KCTD3: variants seen among roughly 807,000 people sequenced by gnomAD.
KCTD3 encodes BTB/POZ domain-containing protein KCTD3.
Under a neutral mutation model 85.8 loss-of-function variants are expected in KCTD3, and 41 were observed. The ratio of observed to expected loss-of-function variants is 0.48; its 90% CI spans 0.37 to 0.62. The LOEUF (loss-of-function observed/expected upper bound fraction) is 0.62, where lower values mean the gene tolerates loss of function less well. KCTD3 is among the 20% of genes least tolerant of loss of function. The probability of loss-of-function intolerance (pLI) is 0.00; values close to 1 mark genes in which losing one functional copy is unlikely to be tolerated. For synonymous variants in KCTD3, 338 were observed against 345.4 expected, an observed-to-expected ratio of 0.98 and a Z score of 0.24; for missense variants, 724 against 989.9, an observed-to-expected ratio of 0.73 and a Z score of 3.60.
At chr1:215,580,759 C>T (rs143630457) in intron 8 of KCTD3, among the ~76,000 whole-genome samples, 14 of 151,680 alleles carry the variant, frequency 9.2e-5, no homozygotes, top group Non-Finnish European at 1.6e-4. Context: ...CTGTTGAGTT[C>T]GGTTAAGAAA....
intron 9 of KCTD3, among the ~76,000 whole-genome samples, chr1:215,587,744 A>G (rs1259001923): frequency 6.6e-6 from 1 of 152,208 alleles, no homozygotes; most frequent in Non-Finnish European, 1.5e-5. Context: ...AAAATTGTGC[A>G]TAGTCTTCTT....
chr1:215,570,470 G>T (rs1419201086), intron 1 of KCTD3, among the ~76,000 whole-genome samples: 1 of 152,158 alleles, frequency 6.6e-6, no homozygotes, highest in Non-Finnish European at 1.5e-5. Context: ...TCATGCAAGA[G>T]GGCTGGGACT....
At chr1:215,597,921 T>C (rs1258360262) in intron 10 of KCTD3, among the ~76,000 whole-genome samples, 1 of 152,102 alleles carries the variant, frequency 6.6e-6, no homozygotes, top group Middle Eastern at 3.2e-3. Context: ...TCTTGACTGC[T>C]GTCTTAACTG....
Position 215,567,712 on chromosome 1 carries a change from C to T in KCTD3, c.27C>T (p.Phe9=), listed in dbSNP as rs996394257. The change falls in exon 1 of 18, where the codon TTC becomes TTT. Residue 9 remains phenylalanine, a synonymous_variant. Transcript: ENST00000259154. Reference sequence around the variant, plus strand: ...TGGCGGGAGGGCACTGCGGCAGCTTCCCCGCGGCGGCGGCCGGCAGCGGCG... The same window carrying T: ...TGGCGGGAGGGCACTGCGGCAGCTTTCCCGCGGCGGCGGCCGGCAGCGGCG... MAGGHCGS[F]PAAAAGSGEI... is the part of the protein sequence containing the mutation. 1.4e-5 allele frequency: 18 copies of T among 1,242,568 alleles called. No individual in the cohort carries two copies. Among genetic ancestry groups the T allele is most frequent in the Middle Eastern group, 2.1e-4 (1 of 4,704 alleles). The allele number at this position is 1,242,568 out of a possible 1,614,324, so 77.0% of individuals were successfully genotyped here. A position where few individuals can be genotyped will look rare whatever the true frequency, so the allele number is the denominator to read the frequency against.
Position 215,604,267 on chromosome 1 carries a change from C to T in KCTD3, c.1274C>T (p.Thr425Ile), listed in dbSNP as rs1441963627. 6.2e-7 allele frequency: 1 copy of T among 1,613,754 alleles called. No homozygotes were observed. The highest frequency in any genetic ancestry group is 1.7e-5 in the Admixed American group (1 of 59,982). ...QTFTVHRSPV[T>I]KIMLSEKHLV... ...TTCACAGTTCACCGAAGTCCCGTAACAAAAATCATGCTATCAGAGAAGCAT... is the reference window on the plus strand; with the variant it reads ...TTCACAGTTCACCGAAGTCCCGTAATAAAAATCATGCTATCAGAGAAGCAT... The change falls in exon 13 of 18, where the codon ACA (threonine) becomes ATA (isoleucine). Residue 425 changes from threonine to isoleucine, a missense_variant. By Grantham distance (89) the Thr-to-Ile change is moderately conservative. Transcript: ENST00000259154.
At chr1:215,582,152 G>A (rs914188890) in intron 8 of KCTD3, among the ~76,000 whole-genome samples, 53 of 152,272 alleles carry the variant, frequency 3.5e-4, no homozygotes, top group African/African-American at 1.2e-3. Context: ...GAGATTTAAG[G>A]ATTTATTTTC....
Position 215,567,620 on chromosome 1 carries a change from A to G in KCTD3, c.-66A>G, listed in dbSNP as rs893459820. ...GCAGCCGTCGCCGCTGCCTCGGGCT[A>G]CAGCCCCGGGCTCGGCGGTCCCGGC... On this transcript the variant is annotated 5_prime_UTR_variant, in exon 1 of 18. Transcript: ENST00000259154. The G allele has an allele frequency of 9.5e-7, 1 of 1,057,436 alleles. No individual in the cohort carries two copies. The allele number at this position is 1,057,436 out of a possible 1,614,324, so 65.5% of individuals were successfully genotyped here. A position where few individuals can be genotyped will look rare whatever the true frequency, so the allele number is the denominator to read the frequency against.
At position 215,587,057 on chromosome 1, in the gene KCTD3, T is replaced by C. The variant is rs529920116; in HGVS notation, c.817+372T>C. Among the ~76,000 whole-genome samples, 3 of 152,306 alleles carry C rather than the reference T, an allele frequency of 2.0e-5. No individual in the cohort carries two copies. The South Asian group carries it at 6.2e-4, about 32-fold the overall frequency. On this transcript the variant is annotated intron_variant, in intron 9 of 17. Coordinates refer to ENST00000259154, the MANE Select transcript of KCTD3 (RefSeq NM_016121.5). ...TCTAGACCAGACATTCCCAAACTTTTTGGTTTCAGAACCCCTTAATCCTCT... is the reference window on the plus strand; with the variant it reads ...TCTAGACCAGACATTCCCAAACTTTCTGGTTTCAGAACCCCTTAATCCTCT...
Position 215,620,083 on chromosome 1 carries a change from C to T in KCTD3, c.1913C>T (p.Thr638Ile). Residue 638 changes from threonine (T) to isoleucine (I), a missense_variant, in exon 18 of 18, where the codon ACC becomes ATC. Thr to Ile is a moderately conservative substitution (Grantham distance 89, BLOSUM62 -1). Coordinates refer to ENST00000259154, the MANE Select transcript of KCTD3 (RefSeq NM_016121.5). ...CTTCAGCTTCAGCACCATGATACCA[C>T]CCATGAAGCAGCTACTTACGGTTCC... ...SSLQLQHHDT[T>I]HEAATYGSMR... 6.2e-7 allele frequency: 1 copy of T among 1,604,466 alleles called. No individual in the cohort carries two copies. Among genetic ancestry groups the T allele is most frequent in the Non-Finnish European group, 8.5e-7 (1 of 1,176,988 alleles).
intron 6 of KCTD3, 112 bp from the exon 7 acceptor site, chr1:215,578,888 T>C (rs1659686649): frequency 1.7e-6 from 1 of 592,742 alleles, no homozygotes; most frequent in East Asian, 3.4e-5. Context: ...TATTGGAAGA[T>C]GTATTTCGGC....
intron 9 of KCTD3, among the ~76,000 whole-genome samples, chr1:215,590,354 A>G (rs975078075): frequency 1.3e-5 from 2 of 152,160 alleles, no homozygotes; most frequent in Admixed American, 6.5e-5. Flanking sequence ...AGGAAATCTT[A>G]TCCACCAAAG....
chr1:215,567,558 C>A lies in KCTD3; in HGVS notation c.-128C>A, dbSNP rs928004460. On this transcript the variant is annotated 5_prime_UTR_variant, in exon 1 of 18. Coordinates refer to ENST00000259154, the MANE Select transcript of KCTD3 (RefSeq NM_016121.5). The stretch of plus-strand genomic sequence containing the variant: ...GGGAAGGTGGGGGAAGCCCCGTGCA[C>A]CCCCCGCCCTCCGGCCGCCGCCGCC... 1 of 389,922 alleles carries A rather than the reference C, an allele frequency of 2.6e-6. No homozygotes were observed. Among genetic ancestry groups the A allele is most frequent in the Non-Finnish European group, 4.1e-6 (1 of 241,666 alleles). The allele number at this position is 389,922 out of a possible 1,614,324, so 24.2% of individuals were successfully genotyped here.
chr1:215,577,599 T>C (rs1209973521), intron 4 of KCTD3, 71 bp from the exon 5 acceptor site: 5 of 948,268 alleles, frequency 5.3e-6, no homozygotes, highest in Non-Finnish European at 8.7e-6. Context: ...ACCTAGAATT[T>C]TTTCCTTTCA....
chr1:215,574,766 G>T (rs1659506921), intron 3 of KCTD3, among the ~76,000 whole-genome samples: 1 of 152,132 alleles, frequency 6.6e-6, no homozygotes, highest in African/African-American at 2.4e-5. Flanking sequence ...GAAAACAAAA[G>T]AAAATTTATA....
chr1:215,601,608 T>G lies in KCTD3; in HGVS notation c.934-259T>G, dbSNP rs73085451. ...AAAAGAGGAGACAACCAATCGAAAT[T>G]GAGAAAGGAAAGTACTGCTGTGGGA... is the stretch of plus-strand genomic sequence containing the variant. On this transcript the variant is annotated intron_variant, in intron 10 of 17. Coordinates refer to ENST00000259154, the MANE Select transcript of KCTD3 (RefSeq NM_016121.5). Among the ~76,000 whole-genome samples the G allele has an allele frequency of 3.5e-3, 540 of 152,144 alleles. 4 individuals are homozygous for G. Among genetic ancestry groups the G allele is most frequent in the African/African-American group, 0.013 (526 of 41,482 alleles).
chr1:215,611,291 T>G (rs1299624305), intron 14 of KCTD3, among the ~76,000 whole-genome samples: 1 of 151,986 alleles, frequency 6.6e-6, no homozygotes, highest in Non-Finnish European at 1.5e-5. Flanking sequence ...GTTTACCAAT[T>G]ACCTTATATA....
At chr1:215,578,758 T>C (rs1659682748) in intron 6 of KCTD3, among the ~76,000 whole-genome samples, 1 of 152,204 alleles carries the variant, frequency 6.6e-6, no homozygotes, top group Non-Finnish European at 1.5e-5. Context: ...CTAAAGCTTA[T>C]TTATTGTAAA....
intron 10 of KCTD3, among the ~76,000 whole-genome samples, chr1:215,597,391 A>AT (rs1445252347): frequency 2.6e-5 from 4 of 152,136 alleles, no homozygotes; most frequent in African/African-American, 9.7e-5. Flanking sequence ...CCTAATAGCA[A>AT]TTTTTAGGCA....
rs747749660 is a variant in KCTD3, at chr1:215,620,790, T to G, written c.*172T>G. The G allele has an allele frequency of 3.6e-5, 19 of 522,790 alleles. No homozygotes were observed. The highest frequency in any genetic ancestry group is 4.9e-5 in the Non-Finnish European group (15 of 303,522). The allele number at this position is 522,790 out of a possible 1,614,324, so 32.4% of individuals were successfully genotyped here. A position where few individuals can be genotyped will look rare whatever the true frequency, so the allele number is the denominator to read the frequency against. The stretch of plus-strand genomic sequence containing the variant: ...ATGAGATACAATAATCATATCTCTT[T>G]TGACATTTTGGAAATTTTTTTAATT... On this transcript the variant is annotated 3_prime_UTR_variant, in exon 18 of 18. Transcript: ENST00000259154.
Sources: allele counts gnomAD v4.1 joint callset (sites outside exome capture counted in the v4.1 genomes callset), GRCh38; gene constraint gnomAD v4.1.1; transcripts MANE v1.5; gene names NCBI Gene and HGNC (gene_info 2026-07-23, HGNC 2026-07-21).